The following MPPED1 variants were observed in gnomAD, a reference collection of about 807,000 sequenced individuals.
The protein encoded by MPPED1 is metallophosphoesterase domain-containing protein 1.
A neutral mutation model predicts 36.2 loss-of-function variants in MPPED1; 16 were observed. The ratio of observed to expected loss-of-function variants is 0.44; its 90% CI spans 0.30 to 0.67. The LOEUF (loss-of-function observed/expected upper bound fraction) is 0.67, where lower values mean the gene tolerates loss of function less well. MPPED1 is among the 30% of genes least tolerant of loss of function. The pLI is 0.10. For missense variants in MPPED1, 307 were observed against 453.4 expected, an observed-to-expected ratio of 0.68 and a Z score of 2.93; for synonymous variants, 199 against 191.3, an observed-to-expected ratio of 1.04 and a Z score of -0.33.
At chr22:43,504,536 A>G (rs1969848492) in intron 6 of MPPED1, among the ~76,000 whole-genome samples, 1 of 149,864 alleles carries the variant, frequency 6.7e-6, no homozygotes, top group Admixed American at 6.6e-5. Flanking sequence ...GGTGGCAATG[A>G]TGATGTTGGT....
chr22:43,425,104 A>G lies in MPPED1; in HGVS notation c.119A>G (p.His40Arg). 6.2e-7 allele frequency: 1 copy of G among 1,613,812 alleles called. No homozygotes were observed. The change falls in exon 2 of 7, where the codon CAC becomes CGC. Residue 40 changes from histidine to arginine, a missense_variant. His to Arg is a conservative substitution (Grantham distance 29, BLOSUM62 0). Around this residue, in one of 3 missense-constraint regions of MPPED1, gnomAD observed 169 missense variants for 212.3 expected, o/e 0.80. Transcript: ENST00000443721. ...GTGATGGCCGCTCGGCGGCACCAGC[A>G]CAGCCGGCTCATCATCGAGGTGGAC... ...SHVMAARRHQ[H>R]SRLIIEVDEY...
intron 1 of MPPED1, among the ~76,000 whole-genome samples, chr22:43,417,484 T>C (rs1929116784): frequency 6.7e-6 from 1 of 149,504 alleles, no homozygotes; most frequent in Non-Finnish European, 1.5e-5. Context: ...CATTTTCTAC[T>C]ATGGGCTCAT....
At chr22:43,423,389 G>A (rs1004592479) in intron 1 of MPPED1, among the ~76,000 whole-genome samples, 5 of 152,308 alleles carry the variant, frequency 3.3e-5, no homozygotes, top group East Asian at 1.9e-4. Context: ...GTTCTGTTGC[G>A]TAGCACCTGC....
Position 43,505,687 on chromosome 22 carries a change from C to A in MPPED1, c.*71C>A. 7.1e-7 allele frequency: 1 copy of A among 1,404,148 alleles called. No homozygotes were observed. The allele number at this position is 1,404,148 out of a possible 1,614,324, so 87.0% of individuals were successfully genotyped here. Reference sequence around the variant, plus strand: ...GGCCTGGCCCGGCCACTGTTCCTTCCATGCTGAGTTGCCTGGACGACCCAT... The same window carrying A: ...GGCCTGGCCCGGCCACTGTTCCTTCAATGCTGAGTTGCCTGGACGACCCAT... On this transcript the variant is annotated 3_prime_UTR_variant, in exon 7 of 7. Transcript: ENST00000443721.
At chr22:43,479,509 T>C (rs1258594017) in intron 4 of MPPED1, among the ~76,000 whole-genome samples, 1 of 152,138 alleles carries the variant, frequency 6.6e-6, no homozygotes, top group Non-Finnish European at 1.5e-5. Flanking sequence ...GACTCCCCCA[T>C]AGGCAGGCGC....
chr22:43,498,652 G>A (rs151117318), intron 5 of MPPED1, among the ~76,000 whole-genome samples: 104 of 152,122 alleles, frequency 6.8e-4, no homozygotes, highest in Non-Finnish European at 1.4e-3. Flanking sequence ...CCCCAGTCCC[G>A]GGTGCTGAAA....
chr22:43,449,322 C>A (rs1930474468), intron 3 of MPPED1, among the ~76,000 whole-genome samples: 2 of 152,018 alleles, frequency 1.3e-5, no homozygotes, highest in African/African-American at 4.8e-5. Flanking sequence ...GACTGAGGCC[C>A]AGTGCGGAGA....
chr22:43,497,580 A>T (rs1458237033), intron 4 of MPPED1, among the ~76,000 whole-genome samples: 1 of 152,054 alleles, frequency 6.6e-6, no homozygotes, highest in Non-Finnish European at 1.5e-5. Context: ...ACTAGGGGGA[A>T]TATCTGGCAT....
chr22:43,435,342 C>G (rs1343849902), intron 3 of MPPED1, 127 bp downstream of exon 3: 19 of 1,011,720 alleles, frequency 1.9e-5, no homozygotes, highest in Non-Finnish European at 2.6e-5. Context: ...CTGTGCCTGC[C>G]TGGTCACCCT....
Position 43,429,107 on chromosome 22 carries a change from A to G in MPPED1, c.224+3898A>G, listed in dbSNP as rs117058545. ...CTACAGCAGAGTGGGATGGAAGGCC[A>G]CAGCTGCGTGCCAGGCCTAGAGTAG... On this transcript the variant is annotated intron_variant, in intron 2 of 6. Transcript: ENST00000443721. Among the ~76,000 whole-genome samples the G allele has an allele frequency of 4.9e-3, 744 of 152,304 alleles. 9 individuals are homozygous for G. Among genetic ancestry groups the G allele is most frequent in the East Asian group, 0.041 (213 of 5,168 alleles).
intron 3 of MPPED1, among the ~76,000 whole-genome samples, chr22:43,473,337 T>C (rs981644035): frequency 6.6e-6 from 1 of 152,146 alleles, no homozygotes; most frequent in African/African-American, 2.4e-5. Context: ...CAGATGAAGG[T>C]CATGGTCTTC....
intron 3 of MPPED1, among the ~76,000 whole-genome samples, chr22:43,473,898 T>C (rs1436905294): frequency 6.6e-6 from 1 of 152,222 alleles, no homozygotes; most frequent in Non-Finnish European, 1.5e-5. Context: ...GAGAGAAAGA[T>C]GTGTACCTTG....
intron 3 of MPPED1, among the ~76,000 whole-genome samples, chr22:43,438,252 C>G (rs565239272): frequency 1.3e-5 from 2 of 152,108 alleles, no homozygotes; most frequent in African/African-American, 4.8e-5. Context: ...TGGGTGGGCA[C>G]GGAAGGCCTC....
intron 1 of MPPED1, among the ~76,000 whole-genome samples, chr22:43,415,206 G>T (rs551292019): frequency 3.7e-5 from 4 of 109,354 alleles, no homozygotes; most frequent in Non-Finnish European, 7.3e-5. Context: ...GTTTGAAGAG[G>T]TGACTAAAAT....
At chr22:43,500,315 G>GGTGGTA (rs1932671296) in intron 5 of MPPED1, among the ~76,000 whole-genome samples, 1 of 144,690 alleles carries the variant, frequency 6.9e-6, no homozygotes, top group Non-Finnish European at 1.5e-5. Context: ...TGGTGATGGA[G>GGTGGTA]GTGGTGATGG....
At position 43,474,175 on chromosome 22, in the gene MPPED1, G is replaced by A. The variant is rs546971884; in HGVS notation, c.407-561G>A. Among the ~76,000 whole-genome samples the A allele has an allele frequency of 1.4e-4, 21 of 152,214 alleles. No homozygotes were observed. The East Asian group carries it at 3.7e-3, about 27-fold the overall frequency. ...ACCCAGGGGGTGGGGGCCTGGGACC[G>A]TGAGGCCAGTGACAGCTAGGGCTGG... On this transcript the variant is annotated intron_variant, in intron 3 of 6. Transcript: ENST00000443721. This position sits in a 1 kb window ranked among gnomAD's most constrained non-coding sequence, Gnocchi z 5.2.
chr22:43,497,832 G>C (rs1486789528), intron 4 of MPPED1, among the ~76,000 whole-genome samples: 1 of 150,868 alleles, frequency 6.6e-6, no homozygotes, highest in Non-Finnish European at 1.5e-5. Flanking sequence ...TCCTGGGGGT[G>C]GGGGTGGGAG....
At chr22:43,418,913 A>G (rs738680) in intron 1 of MPPED1, 13,282 of 152,378 alleles carry the variant, frequency 0.087, 1,004 homozygotes, top group African/African-American at 0.2. Flanking sequence ...GCTTTCAGGC[A>G]GGAGAGGAGG....
chr22:43,436,654 C>T (rs1056601577), intron 3 of MPPED1, among the ~76,000 whole-genome samples: 8 of 152,244 alleles, frequency 5.3e-5, no homozygotes, highest in Non-Finnish European at 1.0e-4. Flanking sequence ...GCCCCTTCCC[C>T]GAGGGAGGCT....
Sources: gnomAD v4.1 joint callset for allele counts (sites outside exome capture counted in the v4.1 genomes callset) on GRCh38, gnomAD v4.1.1 for gene constraint, gnomAD v4.1.1 regional missense constraint, Gnocchi (gnomAD v3.1) non-coding constraint, MANE v1.5 for transcripts, NCBI Gene and HGNC (gene_info 2026-07-23, HGNC 2026-07-21) for gene names.